Variants in B4GALNT1 observed in about 807,000 individuals in gnomAD.
The protein encoded by B4GALNT1 is beta-1,4 N-acetylgalactosaminyltransferase 1.
A neutral mutation model predicts 55.2 loss-of-function variants in B4GALNT1; 43 were observed. The ratio of observed to expected loss-of-function variants is 0.78; its 90% CI spans 0.61 to 1.00. B4GALNT1 has a LOEUF of 1.00. B4GALNT1 is among the 50% of genes least tolerant of loss of function. The probability of loss-of-function intolerance (pLI) is 0.00; values close to 1 mark genes in which losing one functional copy is unlikely to be tolerated. For missense variants in B4GALNT1, 664 were observed against 729.7 expected, an observed-to-expected ratio of 0.91 and a Z score of 1.04; for synonymous variants, 305 against 311.6, an observed-to-expected ratio of 0.98 and a Z score of 0.22.
Position 57,628,006 on chromosome 12 carries a change from C to T in B4GALNT1, c.1143+116G>A, listed in dbSNP as rs1052840504. Reference sequence around the variant, plus strand: ...GGACCCAGACAGTTCCCAGGCCCCACTTCGTGGTTCTCTCTTTGTCCTAGG... The same window carrying T: ...GGACCCAGACAGTTCCCAGGCCCCATTTCGTGGTTCTCTCTTTGTCCTAGG... On this transcript the variant is annotated intron_variant, in intron 9 of 10. Coordinates refer to ENST00000341156, the MANE Select transcript of B4GALNT1 (RefSeq NM_001478.5). 5.3e-6 allele frequency: 8 copies of T among 1,502,848 alleles called. No homozygotes were observed. In the African/African-American group the frequency reaches 1.1e-4, roughly 21 times the overall value. 93.1% of individuals were successfully genotyped at this position (1,502,848 alleles called of 1,614,324 possible). A position where few individuals can be genotyped will look rare whatever the true frequency, so the allele number is the denominator to read the frequency against.
In B4GALNT1 at chr12:57,625,625, G is replaced by A; in HGVS notation, c.*1119C>T. The A allele has an allele frequency of 6.3e-7, 1 of 1,592,444 alleles. No homozygotes were observed. Among genetic ancestry groups the A allele is most frequent in the Non-Finnish European group, 8.6e-7 (1 of 1,168,754 alleles). On this transcript the variant is annotated 3_prime_UTR_variant, in exon 11 of 11. Coordinates refer to ENST00000341156, the MANE Select transcript of B4GALNT1 (RefSeq NM_001478.5). ...TGACCCGGGTAGGACTCCTGGACAG[G>A]GTGACTCCAGATCAGCTGTTTGTGA...
chr12:57,632,242 C>G (rs1885273090), intron 1 of B4GALNT1, 109 bp from the exon 2 acceptor site: 1 of 1,037,764 alleles, frequency 9.6e-7, no homozygotes, highest in East Asian at 2.6e-5. Flanking sequence ...CCCAAGAGCG[C>G]TCTCCACTCC....
chr12:57,628,628 G>C, intron 8 of B4GALNT1, 85 bp downstream of exon 8: 5 of 1,514,966 alleles, frequency 3.3e-6, no homozygotes, highest in South Asian at 2.3e-5. Context: ...GGTGGTCCTC[G>C]AATCACTACC....
chr12:57,626,449 T>C lies in B4GALNT1; in HGVS notation c.*295A>G, dbSNP rs1432306272. Reference sequence around the variant, plus strand: ...GGTTCTTAGAGTCCCTCTGGGCTCTTTGGCACTTGGAAAGTGATCCCCCCA... The same window carrying C: ...GGTTCTTAGAGTCCCTCTGGGCTCTCTGGCACTTGGAAAGTGATCCCCCCA... On this transcript the variant is annotated 3_prime_UTR_variant, in exon 11 of 11. Transcript: ENST00000341156. 2.2e-6 allele frequency: 1 copy of C among 457,020 alleles called. No individual in the cohort carries two copies. Among genetic ancestry groups the C allele is most frequent in the Non-Finnish European group, 4.0e-6 (1 of 248,340 alleles). 28.3% of individuals were successfully genotyped at this position (457,020 alleles called of 1,614,324 possible).
At position 57,623,750 on chromosome 12, in the gene B4GALNT1, T is replaced by C. The variant is rs1884607027; in HGVS notation, c.*2994A>G. ...GGAGAAGGGAGACTTCCGAGGAAGA[T>C]TAGGCAGAGTGGGCAGGAAGACCAG... On this transcript the variant is annotated 3_prime_UTR_variant, in exon 11 of 11. Coordinates refer to ENST00000341156, the MANE Select transcript of B4GALNT1 (RefSeq NM_001478.5). The C allele has an allele frequency of 4.3e-6, 5 of 1,164,668 alleles. No homozygotes were observed. Among genetic ancestry groups the C allele is most frequent in the South Asian group, 4.2e-5 (3 of 72,118 alleles). 72.1% of individuals were successfully genotyped at this position (1,164,668 alleles called of 1,614,324 possible). A position where few individuals can be genotyped will look rare whatever the true frequency, so the allele number is the denominator to read the frequency against.
chr12:57,632,598 CA>C (rs1464092218), intron 1 of B4GALNT1, 173 bp downstream of exon 1: 1 of 191,020 alleles, frequency 5.2e-6, no homozygotes, highest in East Asian at 1.8e-4. Context: ...GGAAAAAATG[CA>C]GAATCATGCC....
chr12:57,627,737 T>TAA lies in B4GALNT1; in HGVS notation c.1264_1265insTT (p.Glu422ValfsTer67). Reference sequence around the variant, plus strand: ...CACGCAGCCTGGGAAGCCGACGAGCTCGTGGTGGAAGCCGCGCCTTTGCCG... The same window carrying TAA: ...CACGCAGCCTGGGAAGCCGACGAGCTAACGTGGTGGAAGCCGCGCCTTTGCCG... On this transcript the variant is annotated frameshift_variant, in exon 10 of 11. Coordinates refer to ENST00000341156, the MANE Select transcript of B4GALNT1 (RefSeq NM_001478.5). LOFTEE classifies it high-confidence loss of function. The TAA allele has an allele frequency of 6.2e-7, 1 of 1,610,586 alleles. No homozygotes were observed. The highest frequency in any genetic ancestry group is 1.1e-5 in the South Asian group (1 of 90,608).
rs367649361 is a variant in B4GALNT1 at position 57,630,340 on chromosome 12, G to A, written c.532-8C>T. 1.2e-6 allele frequency: 2 copies of A among 1,613,126 alleles called. No individual in the cohort carries two copies. The highest frequency in any genetic ancestry group is 1.7e-6 in the Non-Finnish European group (2 of 1,179,272). ...GGAGGCAGTCAGGTTCACCTAGGAG[G>A]GGATTGGAGAGTGCAGGGTTAGGCC... On this transcript the variant is annotated splice_polypyrimidine_tract_variant and splice_region_variant and intron_variant, in intron 5 of 10. Coordinates refer to ENST00000341156, the MANE Select transcript of B4GALNT1 (RefSeq NM_001478.5).
Position 57,629,056 on chromosome 12 carries a change from G to A in B4GALNT1, c.803C>T (p.Pro268Leu). ...GCCCCTACCAGCCTCACCTCCCTGG[G>A]GTAGAGACCCAGGTGGGTACAGCCG... Reference protein sequence around the residue: ...NPRLYPPGSLPQGAQYNISAL... With the variant: ...NPRLYPPGSLLQGAQYNISAL... Residue 268 changes from proline to leucine, a missense_variant, in exon 7 of 11, where the codon CCC (proline) becomes CTC (leucine). Pro to Leu is a moderately conservative substitution (Grantham distance 98, BLOSUM62 -3). Transcript: ENST00000341156. 1 of 1,586,312 alleles carries A rather than the reference G, an allele frequency of 6.3e-7. No individual in the cohort carries two copies. Among genetic ancestry groups the A allele is most frequent in the East Asian group, 2.3e-5 (1 of 44,430 alleles).
At chr12:57,631,142 T>TCCCGGCACAATCACTGCTCTCCCC (rs1192269166) in intron 3 of B4GALNT1, 56 bp from the exon 4 acceptor site, 38 of 1,610,284 alleles carry the variant, frequency 2.4e-5, no homozygotes, top group Non-Finnish European at 3.0e-5. Context: ...GGTCTCTCCC[T>TCCCGGCACAATCACTGCTCTCCCC]CCCGGCACAA....
In B4GALNT1 at chr12:57,629,138, A is replaced by T. The variant is rs1164439910; in HGVS notation, c.721T>A (p.Ser241Thr). Residue 241 changes from serine to threonine, a missense_variant, in exon 7 of 11, where the codon TCC (serine) becomes ACC (threonine). By Grantham distance (58) the Ser-to-Thr change is moderately conservative. Coordinates refer to ENST00000341156, the MANE Select transcript of B4GALNT1 (RefSeq NM_001478.5). ...QTNTADTVRF[S>T]TEGHEAAFTI... ...AAAGCAGCCTCATGTCCCTCGGTGG[A>T]GAACCGGACTGGGAAGAAAGGACAT... The T allele has an allele frequency of 6.3e-7, 1 of 1,591,066 alleles. No individual in the cohort carries two copies. The highest frequency in any genetic ancestry group is 1.3e-5 in the African/African-American group (1 of 74,402).
At position 57,630,523 on chromosome 12, in the gene B4GALNT1, G is replaced by A. The variant is rs753936145; in HGVS notation, c.491-5C>T. 2.6e-5 allele frequency: 42 copies of A among 1,605,274 alleles called. No individual in the cohort carries two copies. Among genetic ancestry groups the A allele is most frequent in the Non-Finnish European group, 3.3e-5 (39 of 1,176,356 alleles). ...AAGCTGCCTGAAGGCTCAGCCCTAG[G>A]AGAAAGGAGTGGGGGGATCAGAATC... On this transcript the variant is annotated splice_polypyrimidine_tract_variant and splice_region_variant and intron_variant, in intron 4 of 10. Coordinates refer to ENST00000341156, the MANE Select transcript of B4GALNT1 (RefSeq NM_001478.5).
At chr12:57,630,809 G>A (rs1885151806) in intron 4 of B4GALNT1, among the ~76,000 whole-genome samples, 171 bp downstream of exon 4, 1 of 152,162 alleles carries the variant, frequency 6.6e-6, no homozygotes, top group Non-Finnish European at 1.5e-5. Flanking sequence ...AATTCCTAGA[G>A]TCCCTTCTGT....
chr12:57,629,737 C>T (rs1176312106), intron 6 of B4GALNT1: 1 of 1,420,992 alleles, frequency 7.0e-7, no homozygotes, highest in Non-Finnish European at 9.2e-7. Context: ...TGGAAGCAAA[C>T]TTAGTGCAAC....
chr12:57,624,267 G>T lies in B4GALNT1; in HGVS notation c.*2477C>A. On this transcript the variant is annotated 3_prime_UTR_variant, in exon 11 of 11. Transcript: ENST00000341156. ...ACTCACAGGCAAGGGAAAGGATGGG[G>T]TTTGAACCCCTTTGGCCTGAATATT... 1 of 681,076 alleles carries T rather than the reference G, an allele frequency of 1.5e-6. No homozygotes were observed. Among genetic ancestry groups the T allele is most frequent in the Non-Finnish European group, 2.5e-6 (1 of 395,254 alleles). 42.2% of individuals were successfully genotyped at this position (681,076 alleles called of 1,614,324 possible). A position where few individuals can be genotyped will look rare whatever the true frequency, so the allele number is the denominator to read the frequency against.
intron 6 of B4GALNT1, 164 bp from the exon 7 acceptor site, chr12:57,629,310 G>GA: frequency 1.9e-6 from 1 of 539,748 alleles, no homozygotes. Flanking sequence ...ATGGGTAGGA[G>GA]AAAAAACAAC....
Position 57,624,118 on chromosome 12 carries a change from C to G in B4GALNT1, c.*2626G>C. 1.2e-6 allele frequency: 2 copies of G among 1,611,252 alleles called. No homozygotes were observed. Among genetic ancestry groups the G allele is most frequent in the Non-Finnish European group, 1.7e-6 (2 of 1,177,832 alleles). On this transcript the variant is annotated 3_prime_UTR_variant, in exon 11 of 11. Coordinates refer to ENST00000341156, the MANE Select transcript of B4GALNT1 (RefSeq NM_001478.5). ...GACTTTGTGAGAAATGCCATTACCC[C>G]CAGATTGCCCCCTCTCATCTTGTTA...
chr12:57,625,537 C>G lies in B4GALNT1; in HGVS notation c.*1207G>C. On this transcript the variant is annotated 3_prime_UTR_variant, in exon 11 of 11. Coordinates refer to ENST00000341156, the MANE Select transcript of B4GALNT1 (RefSeq NM_001478.5). ...GACACCTGCGGTAGGGAAAAGGACC[C>G]GGTGTGGACTTAGGGTCTCAGAGTC... 6.2e-7 allele frequency: 1 copy of G among 1,612,278 alleles called. No homozygotes were observed. The highest frequency in any genetic ancestry group is 8.5e-7 in the Non-Finnish European group (1 of 1,178,772).
chr12:57,631,364 C>T lies in B4GALNT1; in HGVS notation c.219G>A (p.Gly73=), dbSNP rs927129903. Residue 73 remains glycine, a splice_region_variant and synonymous_variant, in exon 3 of 11, where the codon GGG becomes GGA. Coordinates refer to ENST00000341156, the MANE Select transcript of B4GALNT1 (RefSeq NM_001478.5). ...AACTGCAGTTGTTCCAAGCCAGCAG[C>T]CTGAAGGGGGTAGGTAGTGAGGGTC... ...IPVRIKEQVV[G]LLAWNNCSCE... 2 of 1,613,986 alleles carry T rather than the reference C, an allele frequency of 1.2e-6. No individual in the cohort carries two copies. Among genetic ancestry groups the T allele is most frequent in the Non-Finnish European group, 1.7e-6 (2 of 1,179,938 alleles).
Sources: gnomAD v4.1 joint callset for allele counts (sites outside exome capture counted in the v4.1 genomes callset) on GRCh38, gnomAD v4.1.1 for gene constraint, MANE v1.5 for transcripts, NCBI Gene and HGNC (gene_info 2026-07-23, HGNC 2026-07-21) for gene names.